Variants in TNFRSF10A observed in about 807,000 individuals in gnomAD.
TNFRSF10A encodes tumor necrosis factor receptor superfamily member 10A.
In TNFRSF10A, 44 loss-of-function variants were observed where a neutral mutation model predicts 42.8. The ratio of observed to expected loss-of-function variants is 1.03; its 90% CI spans 0.81 to 1.32. The LOEUF (loss-of-function observed/expected upper bound fraction) is 1.32. TNFRSF10A is among the 40% of genes most tolerant of loss of function. The pLI is 0.00. For missense variants in TNFRSF10A, 680 were observed against 602.0 expected, an observed-to-expected ratio of 1.13 and a Z score of -1.36; for synonymous variants, 259 against 234.2, an observed-to-expected ratio of 1.11 and a Z score of -0.97.
At chr8:23,203,271 C>G (rs1800960511) in intron 2 of TNFRSF10A, among the ~76,000 whole-genome samples, 1 of 152,188 alleles carries the variant, frequency 6.6e-6, no homozygotes, top group Non-Finnish European at 1.5e-5. Context: ...AAGTCCTAAT[C>G]CCTGCCCTCA....
At chr8:23,207,124 T>C in intron 2 of TNFRSF10A, 1 of 580,868 alleles carries the variant, frequency 1.7e-6, no homozygotes, top group South Asian at 1.4e-5. Context: ...TATGCTATCA[T>C]CAAGCTTCCA....
At chr8:23,218,821 T>G (rs4872089) in intron 1 of TNFRSF10A, among the ~76,000 whole-genome samples, 34,455 of 152,170 alleles carry the variant, frequency 0.23, 4,122 homozygotes, top group South Asian at 0.37. Flanking sequence ...TCATGCTGTT[T>G]GTCTAAAACA....
chr8:23,201,200 A>G (rs543330421), intron 4 of TNFRSF10A, among the ~76,000 whole-genome samples: 2 of 152,316 alleles, frequency 1.3e-5, no homozygotes, highest in South Asian at 4.1e-4. Flanking sequence ...GGAGGACCAG[A>G]GAAGAGCAAT....
In TNFRSF10A at chr8:23,199,900, T is replaced by A; in HGVS notation, c.817A>T (p.Lys273Ter). ...AATCAACTCACCCTGTCCATGCACT[T>A]GGGGTCCCCTCCACAACCTAGAAGA... is the stretch of plus-strand genomic sequence containing the variant. ...CIGSGCGGDP[K>*]CMDRVCFWRL... The change falls in exon 7 of 10, where the codon AAG (lysine) becomes TAG (stop). Residue 273 changes from lysine (K) to a stop codon, truncating the protein, a stop_gained. Coordinates refer to ENST00000221132, the MANE Select transcript of TNFRSF10A (RefSeq NM_003844.4). LOFTEE classifies it high-confidence loss of function. The A allele has an allele frequency of 6.2e-7, 1 of 1,613,970 alleles. No individual in the cohort carries two copies. Among genetic ancestry groups the A allele is most frequent in the Non-Finnish European group, 8.5e-7 (1 of 1,179,940 alleles).
Position 23,218,335 on chromosome 8 carries a change from C to T in TNFRSF10A, c.307-6123G>A, listed in dbSNP as rs868859282. On this transcript the variant is annotated intron_variant, in intron 1 of 9. Transcript: ENST00000221132. ...GGATTAGCATTGTGTTAGGCTGTTT[C>T]AGAGGTAAGTTTGATATTCACACTG... 3.5e-4 allele frequency among the ~76,000 whole-genome samples: 54 copies of T among 152,204 alleles called. 1 individual carries two copies. Among genetic ancestry groups the T allele is most frequent in the Middle Eastern group, 6.8e-3 (2 of 294 alleles).
Position 23,201,842 on chromosome 8 carries a change from T to A in TNFRSF10A, c.595A>T (p.Asn199Tyr), listed in dbSNP as rs749769267. The change falls in exon 4 of 10, where the codon AAT becomes TAT. Residue 199 changes from asparagine to tyrosine, a missense_variant. By Grantham distance (143) the Asn-to-Tyr change is moderately radical (BLOSUM62 -2). Transcript: ENST00000221132. ...QCKPGTFRND[N>Y]SAEMCRKCSR... ...CACTTCCGGCACATCTCAGCAGAAT[T>A]GTCATTCCGGAAAGTTCCTGGTTTG... The A allele has an allele frequency of 6.2e-7, 1 of 1,614,184 alleles. No individual in the cohort carries two copies. Among genetic ancestry groups the A allele is most frequent in the Non-Finnish European group, 8.5e-7 (1 of 1,180,028 alleles).
Position 23,224,832 on chromosome 8 carries a change from C to G in TNFRSF10A, c.230G>C (p.Arg77Thr), listed in dbSNP as rs1365677996. ...CCGAGGGCTGGCTTCCCGCGCCGGC[C>G]TGGGTCCTGGGGCGCGCCCTGCCCG... ...RARAGRAPGP[R>T]PAREASPRLR... The change falls in exon 1 of 10, where the codon AGG (arginine) becomes ACG (threonine). Residue 77 changes from arginine (R) to threonine (T), a missense_variant. Coordinates refer to ENST00000221132, the MANE Select transcript of TNFRSF10A (RefSeq NM_003844.4). 1.3e-6 allele frequency: 2 copies of G among 1,566,014 alleles called. No homozygotes were observed. Among genetic ancestry groups the G allele is most frequent in the Non-Finnish European group, 8.7e-7 (1 of 1,155,664 alleles).
In TNFRSF10A at chr8:23,198,019, CT is replaced by C. The variant is rs202086908; in HGVS notation, c.1015-816del. ...TATTGACCTTTTTAATGTTTGCCTT[CT>C]TTTTTTTTTAATTACATTTTTGGTT... is the stretch of plus-strand genomic sequence containing the variant. On this transcript the variant is annotated intron_variant, in intron 8 of 9. Coordinates refer to ENST00000221132, the MANE Select transcript of TNFRSF10A (RefSeq NM_003844.4). Among the ~76,000 whole-genome samples the C allele has an allele frequency of 5.5e-4, 82 of 147,842 alleles. No homozygotes were observed. The South Asian group carries it at 7.6e-3, about 14-fold the overall frequency.
At chr8:23,215,446 T>G (rs189365889) in intron 1 of TNFRSF10A, among the ~76,000 whole-genome samples, 60 of 152,168 alleles carry the variant, frequency 3.9e-4, no homozygotes, top group Non-Finnish European at 1.5e-5. Context: ...AGGCGGAGGT[T>G]CCAGTGAGCT....
At chr8:23,224,426 T>C in intron 1 of TNFRSF10A, 1 of 308,064 alleles carries the variant, frequency 3.2e-6, no homozygotes, top group Non-Finnish European at 6.1e-6. Context: ...CTTGGAAGTT[T>C]ACACACTTGA....
At chr8:23,208,143 T>C (rs1240132095) in intron 2 of TNFRSF10A, among the ~76,000 whole-genome samples, 1 of 152,138 alleles carries the variant, frequency 6.6e-6, no homozygotes, top group African/African-American at 2.4e-5. Context: ...GCTGAGATGA[T>C]CTCAGATGGA....
At chr8:23,200,047 C>T (rs1306187556) in intron 6 of TNFRSF10A, 130 bp from the exon 7 acceptor site, 5 of 1,089,340 alleles carry the variant, frequency 4.6e-6, no homozygotes, top group East Asian at 4.8e-5. Flanking sequence ...CCTGGGGATC[C>T]ACATGAGGCC....
chr8:23,218,387 TA>T (rs1002276220), intron 1 of TNFRSF10A, among the ~76,000 whole-genome samples: 11 of 152,108 alleles, frequency 7.2e-5, no homozygotes, highest in Non-Finnish European at 1.6e-4. Flanking sequence ...ATACACACCC[TA>T]AAAAAATGCC....
chr8:23,199,200 G>T, intron 8 of TNFRSF10A, 66 bp downstream of exon 8: 1 of 1,563,452 alleles, frequency 6.4e-7, no homozygotes. Context: ...CCTTTGACCA[G>T]GAGAGCCGAG....
At position 23,191,613 on chromosome 8, in the gene TNFRSF10A, G is replaced by A. The variant is rs1800754208; in HGVS notation, c.*81C>T. ...CTACACCTGGCTAAGAATTTACTTT[G>A]TATACATGTTAAAAAAAAAAAAAAC... is the stretch of plus-strand genomic sequence containing the variant. On this transcript the variant is annotated 3_prime_UTR_variant, in exon 10 of 10. Transcript: ENST00000221132. 7 of 1,443,230 alleles carry A rather than the reference G, an allele frequency of 4.9e-6. No homozygotes were observed. Among genetic ancestry groups the A allele is most frequent in the Non-Finnish European group, 6.3e-6 (7 of 1,104,360 alleles). 89.4% of individuals were successfully genotyped at this position (1,443,230 alleles called of 1,614,324 possible). A position where few individuals can be genotyped will look rare whatever the true frequency, so the allele number is the denominator to read the frequency against.
chr8:23,192,120 C>A, intron 9 of TNFRSF10A, 107 bp from the exon 10 acceptor site: 1 of 1,490,996 alleles, frequency 6.7e-7, no homozygotes. Context: ...CCTGGAGAGC[C>A]CCCTGCATGG....
At chr8:23,202,023 T>C (rs1800936025) in intron 3 of TNFRSF10A, 104 bp from the exon 4 acceptor site, 1 of 1,066,678 alleles carries the variant, frequency 9.4e-7, no homozygotes, top group Admixed American at 2.0e-5. Context: ...TCAACTCAGT[T>C]TGCCAAGGAG....
chr8:23,207,827 T>C lies in TNFRSF10A; in HGVS notation c.403+4289A>G, dbSNP rs190427540. The stretch of plus-strand genomic sequence containing the variant: ...TTATTGTAAGACTTCCCCAGCCACG[T>C]AGAACTGTAAGTTCAATTAAACCTC... On this transcript the variant is annotated intron_variant, in intron 2 of 9. Transcript: ENST00000221132. 1.4e-3 allele frequency among the ~76,000 whole-genome samples: 206 copies of C among 151,346 alleles called. 2 individuals carry two copies. Among genetic ancestry groups the C allele is most frequent in the Admixed American group, 0.013 (191 of 15,126 alleles).
At position 23,192,009 on chromosome 8, in the gene TNFRSF10A, C is replaced by G. The variant is rs552271074; in HGVS notation, c.1092G>C (p.Leu364=). 1.4e-5 allele frequency: 22 copies of G among 1,612,096 alleles called. No individual in the cohort carries two copies. In the Admixed American group the frequency reaches 3.3e-4, roughly 25 times the overall value. Residue 364 remains leucine, a synonymous_variant, in exon 10 of 10, where the codon CTG becomes CTC. Transcript: ENST00000221132. ...PANGADPTET[L]MLFFDKFANI... ...TTGCAAACTTGTCAAAGAACAGCAT[C>G]AGAGCTGGGTGGAGAAAGCCACAGA... is the stretch of plus-strand genomic sequence containing the variant.
Sources: allele counts gnomAD v4.1 joint callset (sites outside exome capture counted in the v4.1 genomes callset), GRCh38; gene constraint gnomAD v4.1.1; transcripts MANE v1.5; gene names NCBI Gene and HGNC (gene_info 2026-07-23, HGNC 2026-07-21).